FREM1: variants seen among roughly 807,000 people sequenced by gnomAD.
The protein encoded by FREM1 is FRAS1-related extracellular matrix protein 1.
FREM1 carries 220 observed loss-of-function variants against 210.1 expected under a neutral mutation model. The ratio of observed to expected loss-of-function variants is 1.05; its 90% CI spans 0.94 to 1.17. The LOEUF is 1.17. Ranked by LOEUF, FREM1 falls within the 50% of genes most tolerant of loss-of-function variation. The pLI is 0.00. For synonymous variants in FREM1, 1,189 were observed against 980.2 expected, an observed-to-expected ratio of 1.21 and a Z score of -3.98; for missense variants, 3,454 against 2,675.5, an observed-to-expected ratio of 1.29 and a Z score of -6.42.
chr9:14,743,255 G>A (rs1197900766), intron 35 of FREM1, among the ~76,000 whole-genome samples: 6 of 151,784 alleles, frequency 4.0e-5, no homozygotes, highest in African/African-American at 7.3e-5. Context: ...TGTGATGATC[G>A]AATGGTACAG....
chr9:14,863,767 G>A (rs1166789777), intron 3 of FREM1, 42 bp downstream of exon 3: 3 of 1,189,476 alleles, frequency 2.5e-6, no homozygotes, highest in African/African-American at 1.5e-5. Flanking sequence ...AACACAGAAT[G>A]GTTACTTGGC....
chr9:14,908,625 G>A (rs1818208557), intron 1 of FREM1, among the ~76,000 whole-genome samples: 1 of 152,176 alleles, frequency 6.6e-6, no homozygotes, highest in South Asian at 2.1e-4. Context: ...GCAAAACCAT[G>A]TTGCACATTA....
At chr9:14,820,103 G>A (rs1418192330) in intron 13 of FREM1, among the ~76,000 whole-genome samples, 1 of 152,204 alleles carries the variant, frequency 6.6e-6, no homozygotes, top group Admixed American at 6.5e-5. Flanking sequence ...CAAGTTGAAT[G>A]GCTTGGGATA....
chr9:14,746,872 CA>C (rs1842541587), intron 34 of FREM1, 50 bp downstream of exon 34: 1 of 1,589,538 alleles, frequency 6.3e-7, no homozygotes, highest in Admixed American at 1.8e-5. Flanking sequence ...ATTAGCTTAT[CA>C]TAGAGCACAT....
intron 29 of FREM1, among the ~76,000 whole-genome samples, chr9:14,752,955 T>C (rs1272068884): frequency 1.3e-5 from 2 of 152,218 alleles, no homozygotes; most frequent in African/African-American, 2.4e-5. Flanking sequence ...CTTTTGAGTT[T>C]CATTTAAGTG....
chr9:14,746,951 G>A lies in FREM1; in HGVS notation c.6110C>T (p.Ala2037Val). 6.2e-7 allele frequency: 1 copy of A among 1,613,246 alleles called. No homozygotes were observed. The highest frequency in any genetic ancestry group is 8.5e-7 in the Non-Finnish European group (1 of 1,179,706). Reference protein sequence around the residue: ...IQKLYQCNGIAWKAWSPQTKD... With the variant: ...IQKLYQCNGIVWKAWSPQTKD... The stretch of plus-strand genomic sequence containing the variant: ...GGTTTGGGGACTCCAGGCTTTCCAG[G>A]CGATCCCATTGCACTGATACAGCTT... Residue 2037 changes from alanine to valine, a missense_variant, in exon 34 of 37, where the codon GCC becomes GTC. Transcript: ENST00000380880.
At chr9:14,745,568 G>T (rs1320236084) in intron 35 of FREM1, among the ~76,000 whole-genome samples, 1 of 152,104 alleles carries the variant, frequency 6.6e-6, no homozygotes, top group East Asian at 1.9e-4. Flanking sequence ...AATATGGTTT[G>T]CTCTTTCATT....
intron 3 of FREM1, among the ~76,000 whole-genome samples, chr9:14,861,277 A>G (rs1466031911): frequency 1.1e-5 from 1 of 89,318 alleles, no homozygotes; most frequent in Non-Finnish European, 1.9e-5. Context: ...ACACATATAT[A>G]CATATATACA....
At position 14,756,362 on chromosome 9, in the gene FREM1, C is replaced by T; in HGVS notation, c.5407+12G>A. The T allele has an allele frequency of 6.4e-7, 1 of 1,567,062 alleles. No individual in the cohort carries two copies. Among genetic ancestry groups the T allele is most frequent in the Admixed American group, 1.8e-5 (1 of 54,966 alleles). On this transcript the variant is annotated intron_variant, in intron 29 of 36. Transcript: ENST00000380880. ...CAAAACACATAAAACAAACTGCAGA[C>T]ACAAAATGTACCTGGGTCAAACTGA...
At chr9:14,863,978 C>A in intron 2 of FREM1, 75 bp from the exon 3 acceptor site, 2 of 884,706 alleles carry the variant, frequency 2.3e-6, no homozygotes, top group East Asian at 2.5e-5. Context: ...CAGGAGAGCA[C>A]TGCCTGGAGA....
intron 10 of FREM1, among the ~76,000 whole-genome samples, chr9:14,826,968 C>A (rs1036169470): frequency 6.6e-6 from 1 of 152,152 alleles, no homozygotes; most frequent in African/African-American, 2.4e-5. Flanking sequence ...ATTACCCAGT[C>A]TCAGGTATTT....
At chr9:14,737,738 T>A in intron 36 of FREM1, 143 bp from the exon 37 acceptor site, 1 of 605,058 alleles carries the variant, frequency 1.7e-6, no homozygotes, top group Non-Finnish European at 2.6e-6. Context: ...TGGAATACTC[T>A]AAGACACAAA....
At chr9:14,820,750 A>G (rs1224453384) in intron 13 of FREM1, among the ~76,000 whole-genome samples, 1 of 152,228 alleles carries the variant, frequency 6.6e-6, no homozygotes, top group African/African-American at 2.4e-5. Flanking sequence ...TCTCCCTACA[A>G]CTACCCCCAC....
At chr9:14,869,562 G>C (rs1489337371) in intron 1 of FREM1, among the ~76,000 whole-genome samples, 2 of 152,166 alleles carry the variant, frequency 1.3e-5, no homozygotes, top group Non-Finnish European at 2.9e-5. Context: ...TGTTCACTGA[G>C]TTCATAGACA....
chr9:14,834,200 C>G (rs1462109617), intron 10 of FREM1, among the ~76,000 whole-genome samples: 1 of 152,158 alleles, frequency 6.6e-6, no homozygotes, highest in South Asian at 2.1e-4. Context: ...AAGGCAACAT[C>G]TCCACCCCAC....
intron 3 of FREM1, among the ~76,000 whole-genome samples, chr9:14,861,671 T>G (rs1366408178): frequency 1.3e-5 from 2 of 151,902 alleles, no homozygotes; most frequent in African/African-American, 4.8e-5. Context: ...CACTCCCAGC[T>G]AATTTTTGTA....
intron 10 of FREM1, among the ~76,000 whole-genome samples, chr9:14,837,250 A>G (rs540817555): frequency 6.6e-6 from 1 of 152,138 alleles, no homozygotes; most frequent in Non-Finnish European, 1.5e-5. Flanking sequence ...CCTGAGCCCT[A>G]TGCAAATCAG....
intron 20 of FREM1, among the ~76,000 whole-genome samples, chr9:14,798,885 G>A (rs958569543): frequency 2.6e-5 from 4 of 152,004 alleles, no homozygotes; most frequent in Non-Finnish European, 4.4e-5. Context: ...TGTTGGCCAG[G>A]CTGGTCTCGA....
In FREM1 at chr9:14,737,181, A is replaced by G; in HGVS notation, c.*215T>C. On this transcript the variant is annotated 3_prime_UTR_variant, in exon 37 of 37. Transcript: ENST00000380880. ...TAATACTGCTGGCATTTATTTTAAAAGGTATTGAGATACAAAAATTGTATC... is the reference window on the plus strand; with the variant it reads ...TAATACTGCTGGCATTTATTTTAAAGGGTATTGAGATACAAAAATTGTATC... 1 of 455,936 alleles carries G rather than the reference A, an allele frequency of 2.2e-6. No homozygotes were observed. Among genetic ancestry groups the G allele is most frequent in the African/African-American group, 2.0e-5 (1 of 50,400 alleles). 28.2% of individuals were successfully genotyped at this position (455,936 alleles called of 1,614,324 possible).
Sources: gnomAD v4.1 joint callset for allele counts (sites outside exome capture counted in the v4.1 genomes callset) on GRCh38, gnomAD v4.1.1 for gene constraint, MANE v1.5 for transcripts, NCBI Gene and HGNC (gene_info 2026-07-23, HGNC 2026-07-21) for gene names.